Variants in CNTNAP2 observed in about 807,000 individuals in gnomAD.
CNTNAP2 encodes contactin-associated protein-like 2.
CNTNAP2 carries 98 observed loss-of-function variants against 155.2 expected under a neutral mutation model. The observed-to-expected ratio is 0.63, with a 90% CI of 0.54 to 0.75. The LOEUF (loss-of-function observed/expected upper bound fraction) is 0.75. Among genes scored for constraint, CNTNAP2 ranks in the 30% least tolerant of loss-of-function variants. The pLI, the probability that CNTNAP2 is intolerant of heterozygous loss-of-function variation, is 0.00. For missense variants in CNTNAP2, 1,727 were observed against 1,688.1 expected (o/e 1.02, Z -0.40); for synonymous variants, 651 against 631.2 (o/e 1.03, Z -0.47).
chr7:146,852,362 T>C (rs1193505110), intron 3 of CNTNAP2, among the ~76,000 whole-genome samples: 1 of 152,148 alleles, frequency 6.6e-6, no homozygotes, highest in Admixed American at 6.6e-5. Context: ...CGACTACTTA[T>C]ATATGACTCT....
At chr7:146,735,644 G>A (rs1339415577) in intron 1 of CNTNAP2, among the ~76,000 whole-genome samples, 1 of 137,610 alleles carries the variant, frequency 7.3e-6, no homozygotes, top group African/African-American at 3.6e-5. Flanking sequence ...TACCTTCTCT[G>A]TATTACTTAT....
chr7:146,552,983 A>G (rs1158305637), intron 1 of CNTNAP2, among the ~76,000 whole-genome samples: 1 of 152,078 alleles, frequency 6.6e-6, no homozygotes, highest in Non-Finnish European at 1.5e-5. Context: ...AAACTTTTTC[A>G]TATTCCCAAT....
At chr7:146,456,004 G>A (rs1488939510) in intron 1 of CNTNAP2, among the ~76,000 whole-genome samples, 5 of 152,078 alleles carry the variant, frequency 3.3e-5, no homozygotes, top group African/African-American at 1.2e-4. Context: ...TATGAAATCT[G>A]AGCACATGCA....
rs577554406 is a variant in CNTNAP2, at chr7:146,837,442, T to G, written c.209-2269T>G. On this transcript the variant is annotated intron_variant, in intron 2 of 23. Transcript: ENST00000361727. ...TGCTTTTCTCCTTCAACATTTTGCA[T>G]TTTTAAAAAATGTTTATATGTTTTA... Among the ~76,000 whole-genome samples, 148 of 152,296 alleles carry G rather than the reference T, an allele frequency of 9.7e-4. 7 individuals carry two copies. In the South Asian group the frequency reaches 0.028, roughly 28 times the overall value.
intron 1 of CNTNAP2, among the ~76,000 whole-genome samples, chr7:146,493,895 A>G (rs1026787409): frequency 5.9e-5 from 9 of 152,200 alleles, no homozygotes; most frequent in Admixed American, 2.0e-4. Flanking sequence ...ATGAGGGAGA[A>G]AATAACCATA....
intron 10 of CNTNAP2, among the ~76,000 whole-genome samples, chr7:147,480,856 C>A (rs1195470671): frequency 2.0e-5 from 3 of 152,152 alleles, no homozygotes; most frequent in African/African-American, 7.2e-5. Flanking sequence ...CACCTGGGAC[C>A]TTGTTAGGAT....
intron 1 of CNTNAP2, among the ~76,000 whole-genome samples, chr7:146,229,074 T>A (rs1268377968): frequency 6.6e-6 from 1 of 152,192 alleles, no homozygotes; most frequent in African/African-American, 2.4e-5. Flanking sequence ...TCTTTCAGCA[T>A]ATCTCCTCTT....
chr7:148,005,463 A>C (rs1488255899), intron 15 of CNTNAP2, among the ~76,000 whole-genome samples: 1 of 152,124 alleles, frequency 6.6e-6, no homozygotes, highest in Non-Finnish European at 1.5e-5. Context: ...TGTGTCACAT[A>C]ATGTAGCATC....
chr7:148,091,572 A>C (rs1803842229), intron 15 of CNTNAP2, among the ~76,000 whole-genome samples: 1 of 152,232 alleles, frequency 6.6e-6, no homozygotes, highest in Admixed American at 6.5e-5. Context: ...AAAAATGTCA[A>C]CAAATAGCAA....
intron 8 of CNTNAP2, among the ~76,000 whole-genome samples, chr7:147,211,750 A>T (rs2116573054): frequency 6.6e-6 from 1 of 152,222 alleles, no homozygotes; most frequent in Non-Finnish European, 1.5e-5. Context: ...CTTGGGAAAA[A>T]AATTATAACT....
intron 1 of CNTNAP2, among the ~76,000 whole-genome samples, chr7:146,587,033 ATTT>A (rs34866879): frequency 0.027 from 4,065 of 148,528 alleles, 186 homozygotes; most frequent in African/African-American, 0.094. Context: ...GCATTGTTTT[ATTT>A]TTTTTTTTTT....
At chr7:147,720,271 G>A (rs1218769692) in intron 13 of CNTNAP2, among the ~76,000 whole-genome samples, 1 of 152,054 alleles carries the variant, frequency 6.6e-6, no homozygotes, top group Non-Finnish European at 1.5e-5. Flanking sequence ...TAGACATACT[G>A]TTATGTCTGT....
chr7:146,583,165 G>A (rs886066934), intron 1 of CNTNAP2, among the ~76,000 whole-genome samples: 1 of 152,028 alleles, frequency 6.6e-6, no homozygotes, highest in African/African-American at 2.4e-5. Context: ...AGAAAACTTA[G>A]AACATAGCTT....
intron 9 of CNTNAP2, among the ~76,000 whole-genome samples, chr7:147,330,322 G>A (rs529668618): frequency 6.6e-6 from 1 of 152,188 alleles, no homozygotes; most frequent in Non-Finnish European, 1.5e-5. Context: ...CTCCCATCAT[G>A]CCTTTTCCTA....
At chr7:147,726,861 G>A (rs1796652352) in intron 13 of CNTNAP2, among the ~76,000 whole-genome samples, 1 of 152,060 alleles carries the variant, frequency 6.6e-6, no homozygotes, top group Non-Finnish European at 1.5e-5. Context: ...CAAAGAGCAT[G>A]TTTATATTAT....
intron 4 of CNTNAP2, among the ~76,000 whole-genome samples, chr7:147,062,902 T>C (rs1799710027): frequency 6.6e-6 from 1 of 152,202 alleles, no homozygotes; most frequent in African/African-American, 2.4e-5. Flanking sequence ...AATAAGCATT[T>C]TCCAGAAGGA....
chr7:146,613,392 A>G (rs1187667863), intron 1 of CNTNAP2, among the ~76,000 whole-genome samples: 2 of 152,194 alleles, frequency 1.3e-5, no homozygotes, highest in African/African-American at 2.4e-5. Context: ...TTCATCATAC[A>G]TAACATTTTG....
chr7:146,357,769 A>AC (rs1461544096), intron 1 of CNTNAP2, among the ~76,000 whole-genome samples: 1 of 151,794 alleles, frequency 6.6e-6, no homozygotes, highest in African/African-American at 2.4e-5. Flanking sequence ...ACAGGTACTA[A>AC]CCCCCCATTA....
chr7:147,578,791 C>G lies in CNTNAP2; in HGVS notation c.1897+16534C>G, dbSNP rs1026986648. Among the ~76,000 whole-genome samples the G allele has an allele frequency of 2.6e-5, 4 of 152,012 alleles. No individual in the cohort carries two copies. The South Asian group carries it at 8.3e-4, about 31-fold the overall frequency. On this transcript the variant is annotated intron_variant, in intron 12 of 23. Coordinates refer to ENST00000361727, the MANE Select transcript of CNTNAP2 (RefSeq NM_014141.6). Reference sequence around the variant, plus strand: ...ACAAAAGAAACCATTTATTTAAACACTTTAAAACCCTGTGTATTACGAAAT... The same window carrying G: ...ACAAAAGAAACCATTTATTTAAACAGTTTAAAACCCTGTGTATTACGAAAT...
Sources: allele counts gnomAD v4.1 joint callset (sites outside exome capture counted in the v4.1 genomes callset), GRCh38; gene constraint gnomAD v4.1.1; transcripts MANE v1.5; gene names NCBI Gene and HGNC (gene_info 2026-07-23, HGNC 2026-07-21).